Variants in COG2 observed in about 807,000 individuals in gnomAD.
The protein encoded by COG2 is component of oligomeric golgi complex 2.
In COG2, 52 loss-of-function variants were observed where a neutral mutation model predicts 90.6. That is an observed-to-expected ratio of 0.57 (90% CI 0.46 to 0.72). The LOEUF (loss-of-function observed/expected upper bound fraction) is 0.72. Ranked by LOEUF, COG2 falls within the 30% of genes least tolerant of loss-of-function variation. COG2 has a pLI of 0.00. For synonymous variants in COG2, 337 were observed against 320.4 expected, an observed-to-expected ratio of 1.05 and a Z score of -0.55; for missense variants, 829 against 891.2, an observed-to-expected ratio of 0.93 and a Z score of 0.89.
intron 3 of COG2, among the ~76,000 whole-genome samples, chr1:230,662,659 C>T (rs1662207035): frequency 6.6e-6 from 1 of 152,056 alleles, no homozygotes; most frequent in African/African-American, 2.4e-5. Flanking sequence ...TGAATTAACC[C>T]TTCCTGTTTT....
chr1:230,650,994 AAC>A (rs1185295276), intron 1 of COG2, among the ~76,000 whole-genome samples: 1 of 152,172 alleles, frequency 6.6e-6, no homozygotes, highest in Non-Finnish European at 1.5e-5. Context: ...AATGGTTTGA[AAC>A]ACACAGACAT....
At chr1:230,665,841 C>A (rs1420305455) in intron 5 of COG2, among the ~76,000 whole-genome samples, 1 of 152,102 alleles carries the variant, frequency 6.6e-6, no homozygotes, top group Non-Finnish European at 1.5e-5. Flanking sequence ...CATTGACAGC[C>A]CCTCCCAACT....
At chr1:230,669,744 G>A (rs958266202) in intron 7 of COG2, 13 of 442,476 alleles carry the variant, frequency 2.9e-5, no homozygotes, top group African/African-American at 9.8e-5. Flanking sequence ...GCCGTCTCAG[G>A]TGTCCTAGGA....
rs1189842034 is a variant in COG2, at chr1:230,668,700, G to A, written c.510G>A (p.Leu170=). Residue 170 remains leucine, a synonymous_variant, in exon 6 of 18, where the codon TTG becomes TTA. Coordinates refer to ENST00000366669, the MANE Select transcript of COG2 (RefSeq NM_007357.3). ...ASSPLLTGQI[L]ERIATEFNQL... ...GCCCCCTTTTGACTGGACAAATTTT[G>A]GAGAGAATTGCCACAGAATTTAATC... 3 of 1,611,532 alleles carry A rather than the reference G, an allele frequency of 1.9e-6. No individual in the cohort carries two copies. The Admixed American group carries it at 5.0e-5, about 27-fold the overall frequency.
chr1:230,663,246 A>G (rs1309393974), intron 4 of COG2, 25 bp downstream of exon 4: 2 of 1,583,224 alleles, frequency 1.3e-6, no homozygotes, highest in African/African-American at 2.7e-5. Flanking sequence ...TACAATATTA[A>G]ATCGTTGATT....
Position 230,688,060 on chromosome 1 carries a change from A to G in COG2, c.1579-11A>G. ...AAGTAACTGAATATATAAAGTGCAT[A>G]TTTATTTCAGCTTCCAGAACTCTTG... On this transcript the variant is annotated splice_polypyrimidine_tract_variant and intron_variant, in intron 13 of 17. Transcript: ENST00000366669. 1 of 1,572,474 alleles carries G rather than the reference A, an allele frequency of 6.4e-7. No individual in the cohort carries two copies. Among genetic ancestry groups the G allele is most frequent in the South Asian group, 1.2e-5 (1 of 83,404 alleles).
chr1:230,642,530 C>T lies in COG2; in HGVS notation c.-77C>T. 7.6e-6 allele frequency: 11 copies of T among 1,451,118 alleles called. No individual in the cohort carries two copies. Among genetic ancestry groups the T allele is most frequent in the East Asian group, 2.5e-5 (1 of 40,412 alleles). 89.9% of individuals were successfully genotyped at this position (1,451,118 alleles called of 1,614,324 possible). ...GTGCCGTGGAAACTGGCGGTGGCCGCGGCCGCCGAGTCGGTCTGCGCAGCC... is the reference window on the plus strand; with the variant it reads ...GTGCCGTGGAAACTGGCGGTGGCCGTGGCCGCCGAGTCGGTCTGCGCAGCC... On this transcript the variant is annotated 5_prime_UTR_variant, in exon 1 of 18. Coordinates refer to ENST00000366669, the MANE Select transcript of COG2 (RefSeq NM_007357.3).
intron 1 of COG2, among the ~76,000 whole-genome samples, chr1:230,645,453 C>T (rs989912675): frequency 7.9e-5 from 12 of 151,966 alleles, no homozygotes; most frequent in Non-Finnish European, 1.8e-4. Flanking sequence ...GGCCATCAAG[C>T]GGTAGCTCCT....
chr1:230,691,323 A>T, intron 16 of COG2, 61 bp from the exon 17 acceptor site: 1 of 1,417,378 alleles, frequency 7.1e-7, no homozygotes, highest in Non-Finnish European at 9.4e-7. Flanking sequence ...AAAGCCAGTT[A>T]CTCTATTTGG....
chr1:230,659,073 AT>A (rs534439225), intron 1 of COG2, among the ~76,000 whole-genome samples: 21 of 150,130 alleles, frequency 1.4e-4, no homozygotes, highest in East Asian at 3.9e-4. Context: ...AATTTCAGTG[AT>A]TTTTTTTTTA....
chr1:230,669,414 G>T lies in COG2; in HGVS notation c.653G>T (p.Gly218Val), dbSNP rs1301832215. ...TCACTGGAAGGTCTCCTATTAGAAGGCCTTCAGACGTCTGACGTCGATATA... is the reference window on the plus strand; with the variant it reads ...TCACTGGAAGGTCTCCTATTAGAAGTCCTTCAGACGTCTGACGTCGATATA... Reference protein sequence around the residue: ...QQSLEGLLLEGLQTSDVDIIR... With the variant: ...QQSLEGLLLEVLQTSDVDIIR... Residue 218 changes from glycine (G) to valine (V), a missense_variant, in exon 7 of 18, where the codon GGC (glycine) becomes GTC (valine). Physicochemically the swap from Gly to Val is moderately radical, Grantham distance 109. Transcript: ENST00000366669. The T allele has an allele frequency of 9.9e-6, 16 of 1,613,958 alleles. No homozygotes were observed. Among genetic ancestry groups the T allele is most frequent in the Non-Finnish European group, 1.3e-5 (15 of 1,179,854 alleles).
At chr1:230,691,142 A>G (rs1014306356) in intron 16 of COG2, among the ~76,000 whole-genome samples, 2 of 149,924 alleles carry the variant, frequency 1.3e-5, no homozygotes, top group East Asian at 3.9e-4. Flanking sequence ...AGGGAATGCT[A>G]TGTTAGACAC....
chr1:230,690,449 C>T lies in COG2; in HGVS notation c.1934+296C>T. On this transcript the variant is annotated intron_variant, in intron 16 of 17. Transcript: ENST00000366669. Reference sequence around the variant, plus strand: ...CCCTGCAGGTGCCGTTCTCCCAGGTCCAGCCACATTCTTCTGGGAGGCCCT... The same window carrying T: ...CCCTGCAGGTGCCGTTCTCCCAGGTTCAGCCACATTCTTCTGGGAGGCCCT... 2 of 254,072 alleles carry T rather than the reference C, an allele frequency of 7.9e-6. 1 individual carries two copies. Among genetic ancestry groups the T allele is most frequent in the South Asian group, 2.1e-4 (2 of 9,512 alleles). 15.7% of individuals were successfully genotyped at this position (254,072 alleles called of 1,614,324 possible).
Position 230,659,479 on chromosome 1 carries a change from G to T in COG2, c.88G>T (p.Asp30Tyr). 4 of 1,613,248 alleles carry T rather than the reference G, an allele frequency of 2.5e-6. No homozygotes were observed. The highest frequency in any genetic ancestry group is 2.5e-6 in the Non-Finnish European group (3 of 1,179,620). Reference sequence around the variant, plus strand: ...TATTTTTCAGGAAGATTTCGATGTCGATCATTTTGTGTCTGACTGTAGGAA... The same window carrying T: ...TATTTTTCAGGAAGATTTCGATGTCTATCATTTTGTGTCTGACTGTAGGAA... ...DEFMKEDFDV[D>Y]HFVSDCRKRV... The change falls in exon 2 of 18, where the codon GAT (aspartate) becomes TAT (tyrosine). Residue 30 changes from aspartate to tyrosine, a missense_variant. Coordinates refer to ENST00000366669, the MANE Select transcript of COG2 (RefSeq NM_007357.3).
At chr1:230,675,199 T>C in intron 9 of COG2, 75 bp downstream of exon 9, 2 of 1,502,306 alleles carry the variant, frequency 1.3e-6, no homozygotes, top group East Asian at 2.3e-5. Flanking sequence ...TCTCTTCTAC[T>C]TAGTCTTGGT....
chr1:230,657,685 C>T (rs1429298586), intron 1 of COG2, among the ~76,000 whole-genome samples: 9 of 152,252 alleles, frequency 5.9e-5, no homozygotes, highest in African/African-American at 1.2e-4. Context: ...CCATTTTCCC[C>T]GTCACTTTCG....
intron 5 of COG2, among the ~76,000 whole-genome samples, chr1:230,665,689 T>C (rs1282907359): frequency 6.6e-6 from 1 of 152,224 alleles, no homozygotes; most frequent in East Asian, 1.9e-4. Context: ...GCCATCTTTT[T>C]TCTTCAGCCT....
chr1:230,661,077 G>A (rs541776753), intron 3 of COG2, among the ~76,000 whole-genome samples: 29 of 152,244 alleles, frequency 1.9e-4, no homozygotes, highest in Admixed American at 5.9e-4. Flanking sequence ...AATGTTGGGG[G>A]AGGAGAAGAA....
intron 2 of COG2, among the ~76,000 whole-genome samples, chr1:230,660,325 A>T (rs1399064675): frequency 1.3e-5 from 2 of 152,200 alleles, no homozygotes; most frequent in African/African-American, 4.8e-5. Flanking sequence ...CTAGAAAATT[A>T]TATTTCCATT....
Sources: gnomAD v4.1 joint callset for allele counts (sites outside exome capture counted in the v4.1 genomes callset) on GRCh38, gnomAD v4.1.1 for gene constraint, MANE v1.5 for transcripts, NCBI Gene and HGNC (gene_info 2026-07-23, HGNC 2026-07-21) for gene names.